Variants in UNC79 observed in about 807,000 individuals in gnomAD.
The protein encoded by UNC79 is unc-79 subunit of NALCN channel complex.
Under a neutral mutation model 283.1 loss-of-function variants are expected in UNC79, and 37 were observed. The ratio of observed to expected loss-of-function variants is 0.13; its 90% CI spans 0.10 to 0.17. The LOEUF is 0.17. UNC79 is among the 10% of genes least tolerant of loss of function. The probability of loss-of-function intolerance (pLI) is 1.00; values close to 1 mark genes in which losing one functional copy is unlikely to be tolerated. For missense variants in UNC79, 2,272 were observed against 3,211.1 expected (o/e 0.71, Z 7.07); for synonymous variants, 1,107 against 1,200.2 (o/e 0.92, Z 1.61).
At chr14:93,347,272 C>A in intron 1 of UNC79, 1 of 1,603,780 alleles carries the variant, frequency 6.2e-7, no homozygotes, top group Non-Finnish European at 8.5e-7. Flanking sequence ...ACGCGATATG[C>A]CTCTCCTGCG....
chr14:93,585,805 A>G (rs943656597), intron 20 of UNC79, among the ~76,000 whole-genome samples: 7 of 152,126 alleles, frequency 4.6e-5, no homozygotes, highest in Admixed American at 3.3e-4. Flanking sequence ...AACTGTTTCA[A>G]AATCTACCTC....
intron 26 of UNC79, among the ~76,000 whole-genome samples, chr14:93,609,934 T>C (rs1189468369): frequency 6.6e-6 from 1 of 152,208 alleles, no homozygotes; most frequent in Admixed American, 6.5e-5. Context: ...ATGCAAAAGT[T>C]TCCATAAACA....
At position 93,374,124 on chromosome 14, in the gene UNC79, G is replaced by A. The variant is rs577217258; in HGVS notation, c.-351+40601G>A. 2.6e-5 allele frequency among the ~76,000 whole-genome samples: 4 copies of A among 152,240 alleles called. No homozygotes were observed. In the South Asian group the frequency reaches 8.3e-4, roughly 32 times the overall value. On this transcript the variant is annotated intron_variant, in intron 1 of 49. Coordinates refer to the UNC79 transcript ENST00000256339. ...AGAGCAATGCTGAGCAGAAATGTGG[G>A]TCTGGGGCTGCGGCAGAAAGTTCCC...
intron 29 of UNC79, 26 bp downstream of exon 30, chr14:93,618,380 C>T: frequency 6.3e-7 from 1 of 1,583,878 alleles, no homozygotes; most frequent in Non-Finnish European, 8.6e-7. Context: ...CTATCCCAAA[C>T]CTAGCTTCAA....
intron 1 of UNC79, chr14:93,467,007 C>T: frequency 2.9e-6 from 2 of 691,918 alleles, no homozygotes; most frequent in Non-Finnish European, 3.6e-6. Flanking sequence ...TTATGAGATT[C>T]TTTGGAAGAA....
Position 93,580,272 on chromosome 14 carries a change from G to A in UNC79, c.2557G>A (p.Glu853Lys), listed in dbSNP as rs765545121. 58 of 1,614,044 alleles carry A rather than the reference G, an allele frequency of 3.6e-5. No individual in the cohort carries two copies. Among genetic ancestry groups the A allele is most frequent in the Middle Eastern group, 3.3e-4 (2 of 6,084 alleles). Residue 853 changes from glutamate to lysine, a missense_variant, in exon 19 of 49, where the codon GAA (glutamate) becomes AAA (lysine). Glu to Lys is a moderately conservative substitution (Grantham distance 56). This residue lies in a region of UNC79 where 356 missense variants were observed against 416.2 expected (regional missense o/e 0.86). Coordinates refer to ENST00000555664, the Ensembl canonical transcript of UNC79. ...GGGATCCCACACCTGCCAGAAGGACGAAAAAGCAATCGAGTGCAACTTATG... is the reference window on the plus strand; with the variant it reads ...GGGATCCCACACCTGCCAGAAGGACAAAAAAGCAATCGAGTGCAACTTATG...
intron 47 of UNC79, among the ~76,000 whole-genome samples, chr14:93,703,049 G>T (rs1217338940): frequency 6.6e-6 from 1 of 152,222 alleles, no homozygotes; most frequent in Non-Finnish European, 1.5e-5. Flanking sequence ...AGGGCCATCT[G>T]GTGGGCTAAG....
At chr14:93,493,648 G>A (rs1295345421) in intron 5 of UNC79, among the ~76,000 whole-genome samples, 1 of 151,916 alleles carries the variant, frequency 6.6e-6, no homozygotes, top group Non-Finnish European at 1.5e-5. Context: ...GATGCATGGT[G>A]GTCATATTAG....
chr14:93,493,769 G>A (rs1028203084), intron 5 of UNC79, among the ~76,000 whole-genome samples: 12 of 151,282 alleles, frequency 7.9e-5, no homozygotes, highest in African/African-American at 2.9e-4. Flanking sequence ...AGTGGCTCCT[G>A]TCTCTAAGGG....
chr14:93,691,480 G>A (rs1158801657), intron 45 of UNC79: 1 of 556,052 alleles, frequency 1.8e-6, no homozygotes, highest in African/African-American at 1.9e-5. Context: ...TCATTAAAGG[G>A]CAAGGGGGTG....
At chr14:93,692,692 C>T (rs1287718606) in intron 46 of UNC79, among the ~76,000 whole-genome samples, 1 of 152,170 alleles carries the variant, frequency 6.6e-6, no homozygotes, top group Non-Finnish European at 1.5e-5. Flanking sequence ...TAGACGGCTA[C>T]CAAGAAAGGG....
intron 38 of UNC79, among the ~76,000 whole-genome samples, chr14:93,656,332 T>C (rs995603218): frequency 1.3e-5 from 2 of 152,108 alleles, no homozygotes; most frequent in Non-Finnish European, 2.9e-5. Context: ...AGGCAGGGCA[T>C]AGCGGCTCAT....
intron 7 of UNC79, among the ~76,000 whole-genome samples, chr14:93,506,149 G>A (rs61992637): frequency 0.31 from 46,758 of 151,190 alleles, 7,560 homozygotes; most frequent in East Asian, 0.65. Context: ...CTGAAGATAC[G>A]TTTTCTCAGT....
intron 39 of UNC79, among the ~76,000 whole-genome samples, chr14:93,660,561 ATATGTGTGTGTG>A (rs1489435641): frequency 1.1e-4 from 9 of 83,220 alleles, no homozygotes; most frequent in African/African-American, 5.2e-4. Flanking sequence ...ATATATATAT[ATATGTGTGTGTG>A]TGTGTGTTCA....
chr14:93,479,243 C>T (rs1490403846), intron 4 of UNC79, among the ~76,000 whole-genome samples: 1 of 143,090 alleles, frequency 7.0e-6, no homozygotes, highest in East Asian at 2.0e-4. Context: ...CTTCCTTCCT[C>T]CTTCCCTCCC....
At chr14:93,333,792 C>A (rs169521) in intron 1 of UNC79, among the ~76,000 whole-genome samples, 151,662 of 152,288 alleles carry the variant, frequency 1, 75,521 homozygotes, top group Middle Eastern at 1. Flanking sequence ...CCAGAGAGAT[C>A]CATGGTTTCA....
chr14:93,435,502 G>T (rs928898047), intron 1 of UNC79, among the ~76,000 whole-genome samples: 3 of 152,052 alleles, frequency 2.0e-5, no homozygotes, highest in Admixed American at 6.5e-5. Context: ...CACTTGCATG[G>T]TATCATCTAC....
At chr14:93,440,837 G>C (rs2056274634) in intron 1 of UNC79, among the ~76,000 whole-genome samples, 1 of 151,994 alleles carries the variant, frequency 6.6e-6, no homozygotes, top group South Asian at 2.1e-4. Context: ...GGTTTTTGCT[G>C]TGTCATAAGA....
chr14:93,339,776 C>A (rs2053664676), intron 1 of UNC79, among the ~76,000 whole-genome samples: 1 of 152,156 alleles, frequency 6.6e-6, no homozygotes, highest in South Asian at 2.1e-4. Context: ...TTTGTTAACC[C>A]CTTTTACTAT....
Sources: gnomAD v4.1 joint callset for allele counts (sites outside exome capture counted in the v4.1 genomes callset) on GRCh38, gnomAD v4.1.1 for gene constraint, gnomAD v4.1.1 regional missense constraint, MANE v1.5 for transcripts, NCBI Gene and HGNC (gene_info 2026-07-23, HGNC 2026-07-21) for gene names.